Variants in SP100 observed in about 807,000 individuals in gnomAD.
SP100 encodes the protein SP100 nuclear body protein, also known as nuclear autoantigen Sp-100.
Under a neutral mutation model 130.0 loss-of-function variants are expected in SP100, and 84 were observed. The ratio of observed to expected loss-of-function variants is 0.65; its 90% CI spans 0.54 to 0.77. The LOEUF (loss-of-function observed/expected upper bound fraction) is 0.77, where lower values mean the gene tolerates loss of function less well. SP100 is among the 30% of genes least tolerant of loss of function. SP100 has a pLI of 0.00. For synonymous variants in SP100, 331 were observed against 351.7 expected (o/e 0.94, Z 0.66); for missense variants, 978 against 1,052.2 (o/e 0.93, Z 0.97).
At chr2:230,453,303 A>C (rs1329654410) in intron 8 of SP100, among the ~76,000 whole-genome samples, 1 of 152,150 alleles carries the variant, frequency 6.6e-6, no homozygotes, top group Admixed American at 6.5e-5. Flanking sequence ...AGTCCTTCCC[A>C]TGACATGTGG....
chr2:230,472,675 G>C (rs1465020475), intron 15 of SP100, among the ~76,000 whole-genome samples: 3 of 152,124 alleles, frequency 2.0e-5, no homozygotes, highest in African/African-American at 7.2e-5. Context: ...GAGGCAAGAA[G>C]GGGGAAGTGT....
At chr2:230,495,220 C>A (rs1464325708) in intron 18 of SP100, among the ~76,000 whole-genome samples, 1 of 152,178 alleles carries the variant, frequency 6.6e-6, no homozygotes, top group Non-Finnish European at 1.5e-5. Context: ...CAGTCCAGGA[C>A]AGAACATGGA....
At chr2:230,482,785 T>C (rs1418040662) in intron 17 of SP100, among the ~76,000 whole-genome samples, 1 of 152,128 alleles carries the variant, frequency 6.6e-6, no homozygotes, top group East Asian at 1.9e-4. Flanking sequence ...CACACTCTAG[T>C]AAATACTAAA....
At chr2:230,448,147 T>C (rs2063791062) in intron 5 of SP100, among the ~76,000 whole-genome samples, 1 of 152,122 alleles carries the variant, frequency 6.6e-6, no homozygotes, top group Admixed American at 6.5e-5. Flanking sequence ...GGGACAAATT[T>C]AAATGTGAGG....
At chr2:230,507,722 C>A (rs1293803503) in intron 22 of SP100, among the ~76,000 whole-genome samples, 1 of 152,084 alleles carries the variant, frequency 6.6e-6, no homozygotes, top group Non-Finnish European at 1.5e-5. Context: ...GGACAGCATG[C>A]AAATCTGCTC....
At chr2:230,481,708 A>T (rs554265261) in intron 17 of SP100, among the ~76,000 whole-genome samples, 57 of 152,260 alleles carry the variant, frequency 3.7e-4, no homozygotes, top group Admixed American at 6.5e-4. Flanking sequence ...AAAAAAGTCT[A>T]AACTTCTTAC....
At chr2:230,529,735 A>G (rs1462680454) in intron 24 of SP100, among the ~76,000 whole-genome samples, 1 of 152,236 alleles carries the variant, frequency 6.6e-6, no homozygotes, top group Non-Finnish European at 1.5e-5. Flanking sequence ...GCAAAGTCTC[A>G]GGATACAAAA....
chr2:230,484,936 G>C (rs2065995721), intron 17 of SP100, among the ~76,000 whole-genome samples: 1 of 151,642 alleles, frequency 6.6e-6, no homozygotes, highest in Admixed American at 6.6e-5. Context: ...GGTTTGGTTT[G>C]GTTGTTTTTG....
chr2:230,480,177 G>C (rs2150014878), intron 17 of SP100, among the ~76,000 whole-genome samples: 1 of 152,278 alleles, frequency 6.6e-6, no homozygotes, highest in East Asian at 1.9e-4. Flanking sequence ...CGCCAGCAAG[G>C]ACTTTGTTTT....
intron 2 of SP100, among the ~76,000 whole-genome samples, chr2:230,422,640 C>G (rs904693368): frequency 1.4e-4 from 21 of 152,132 alleles, no homozygotes; most frequent in Admixed American, 3.9e-4. Flanking sequence ...TTATTTGATG[C>G]CCTTTTCTAT....
intron 17 of SP100, among the ~76,000 whole-genome samples, chr2:230,493,295 G>T (rs575360506): frequency 2.8e-4 from 42 of 152,266 alleles, no homozygotes; most frequent in African/African-American, 9.1e-4. Context: ...TCAGCTCACT[G>T]CAACCTCCAC....
At chr2:230,483,039 C>A (rs2065906262) in intron 17 of SP100, among the ~76,000 whole-genome samples, 1 of 152,100 alleles carries the variant, frequency 6.6e-6, no homozygotes, top group Non-Finnish European at 1.5e-5. Context: ...TTATTCTTTC[C>A]TTTTTAGACC....
chr2:230,420,247 A>T (rs2062729822), intron 2 of SP100, among the ~76,000 whole-genome samples: 1 of 152,192 alleles, frequency 6.6e-6, no homozygotes, highest in Non-Finnish European at 1.5e-5. Flanking sequence ...TGTGCATAGG[A>T]GTCTTACTAA....
intron 27 of SP100, 118 bp from the exon 28 acceptor site, chr2:230,541,774 C>A: frequency 1.8e-6 from 2 of 1,104,610 alleles, no homozygotes; most frequent in African/African-American, 1.6e-5. Flanking sequence ...CTAGTACCTT[C>A]ACAGGGGGGT....
At chr2:230,498,162 T>C (rs139793372) in intron 18 of SP100, among the ~76,000 whole-genome samples, 3 of 152,352 alleles carry the variant, frequency 2.0e-5, no homozygotes, top group Non-Finnish European at 4.4e-5. Flanking sequence ...TTAGCCCTCA[T>C]TATTATTATT....
chr2:230,442,544 T>C (rs1034247117), intron 2 of SP100, among the ~76,000 whole-genome samples: 5 of 152,226 alleles, frequency 3.3e-5, no homozygotes, highest in South Asian at 4.1e-4. Flanking sequence ...TCTCAGTTGA[T>C]TAAGATGCAT....
At chr2:230,473,866 A>T (rs1306396243) in intron 16 of SP100, among the ~76,000 whole-genome samples, 2 of 151,822 alleles carry the variant, frequency 1.3e-5, no homozygotes, top group Non-Finnish European at 2.9e-5. Flanking sequence ...TTATAAAGCG[A>T]GTTCCATCCT....
In SP100 at chr2:230,492,931, G is replaced by A. The variant is rs2066466510; in HGVS notation, c.1601-1485G>A. On this transcript the variant is annotated intron_variant, in intron 17 of 28. Transcript: ENST00000340126. Reference sequence around the variant, plus strand: ...TAAATGTTGCTGTGGAAAATTCTGTGGCCAATAAGTCTCCCTTGAAAATAA... The same window carrying A: ...TAAATGTTGCTGTGGAAAATTCTGTAGCCAATAAGTCTCCCTTGAAAATAA... Among the ~76,000 whole-genome samples the A allele has an allele frequency of 2.0e-5, 3 of 152,184 alleles. No homozygotes were observed. In the South Asian group the frequency reaches 6.2e-4, roughly 32 times the overall value.
intron 24 of SP100, among the ~76,000 whole-genome samples, chr2:230,526,458 A>G (rs1360229683): frequency 2.0e-5 from 3 of 152,232 alleles, no homozygotes; most frequent in Non-Finnish European, 2.9e-5. Context: ...AGATGGGGAG[A>G]AACCACAGCA....
Sources: allele counts gnomAD v4.1 joint callset (sites outside exome capture counted in the v4.1 genomes callset), GRCh38; gene constraint gnomAD v4.1.1; transcripts MANE v1.5; gene names NCBI Gene and HGNC (gene_info 2026-07-23, HGNC 2026-07-21).